The following CNTN5 variants were observed in gnomAD, a reference collection of about 807,000 sequenced individuals.
CNTN5 encodes contactin-5.
CNTN5 carries 77 observed loss-of-function variants against 129.1 expected under a neutral mutation model. The ratio of observed to expected loss-of-function variants is 0.60; its 90% CI spans 0.50 to 0.72. The LOEUF is 0.72. CNTN5 is among the 30% of genes least tolerant of loss of function. The pLI is 0.00. For missense variants in CNTN5, 1,478 were observed against 1,328.8 expected (o/e 1.11, Z -1.75); for synonymous variants, 509 against 465.6 (o/e 1.09, Z -1.20).
At position 99,265,131 on chromosome 11, in the gene CNTN5, TA is replaced by T. The variant is rs1041968464; in HGVS notation, c.-209-60206del. Among the ~76,000 whole-genome samples, 367 of 150,710 alleles carry T rather than the reference TA, an allele frequency of 2.4e-3. 4 individuals carry two copies. The highest frequency in any genetic ancestry group is 8.3e-3 in the African/African-American group (343 of 41,150). On this transcript the variant is annotated intron_variant, in intron 1 of 24. Transcript: ENST00000524871. ...CTAACTTTGCTCTTTCCAAAAGAAT[TA>T]AAAAAAAATAGTAACTTGAAAAGGA...
intron 3 of CNTN5, among the ~76,000 whole-genome samples, chr11:99,668,289 T>C (rs1789210446): frequency 6.6e-6 from 1 of 152,152 alleles, no homozygotes; most frequent in African/African-American, 2.4e-5. Flanking sequence ...CTATGATGCC[T>C]CACGCTGAAC....
At chr11:100,217,236 G>T (rs769541970) in intron 15 of CNTN5, among the ~76,000 whole-genome samples, 5 of 132,776 alleles carry the variant, frequency 3.8e-5, no homozygotes, top group Admixed American at 2.2e-4. Context: ...ATGATAAAAA[G>T]ATAGCATATT....
At chr11:99,582,870 G>T (rs1316802689) in intron 3 of CNTN5, among the ~76,000 whole-genome samples, 1 of 152,198 alleles carries the variant, frequency 6.6e-6, no homozygotes, top group Non-Finnish European at 1.5e-5. Context: ...CTGGTGAGGA[G>T]CTGTGTTCCT....
chr11:99,331,823 G>A (rs965013189), intron 2 of CNTN5, among the ~76,000 whole-genome samples: 14 of 152,112 alleles, frequency 9.2e-5, no homozygotes, highest in African/African-American at 2.9e-4. Context: ...CATGTGACCT[G>A]CTTTGAACAA....
chr11:99,351,891 A>G (rs1938322731), intron 2 of CNTN5, among the ~76,000 whole-genome samples: 1 of 152,194 alleles, frequency 6.6e-6, no homozygotes, highest in Non-Finnish European at 1.5e-5. Context: ...AGAGTTAAAT[A>G]CCCACTGTGG....
At chr11:99,155,188 A>G (rs1860272512) in intron 1 of CNTN5, among the ~76,000 whole-genome samples, 1 of 152,152 alleles carries the variant, frequency 6.6e-6, no homozygotes, top group African/African-American at 2.4e-5. Flanking sequence ...CAGGATACCC[A>G]GCTATTTCCC....
intron 7 of CNTN5, among the ~76,000 whole-genome samples, chr11:99,916,397 T>C (rs1346851166): frequency 2.0e-5 from 3 of 152,124 alleles, no homozygotes; most frequent in Non-Finnish European, 4.4e-5. Context: ...GCCTCTGTCT[T>C]CCATCAGTGA....
intron 1 of CNTN5, among the ~76,000 whole-genome samples, chr11:99,228,653 TAC>T (rs1485772918): frequency 7.9e-5 from 12 of 152,054 alleles, no homozygotes; most frequent in African/African-American, 2.7e-4. Context: ...TTTATGACAA[TAC>T]AGTCTTTACT....
At position 99,385,989 on chromosome 11, in the gene CNTN5, G is replaced by T. The variant is rs536520614; in HGVS notation, c.-71+60505G>T. 5.3e-5 allele frequency among the ~76,000 whole-genome samples: 8 copies of T among 152,298 alleles called. No individual in the cohort carries two copies. The East Asian group carries it at 1.5e-3, about 29-fold the overall frequency. On this transcript the variant is annotated intron_variant, in intron 2 of 24. Coordinates refer to ENST00000524871, the MANE Select transcript of CNTN5 (RefSeq NM_014361.4). ...AGAAATTTATGACCTGGAGTCCTCA[G>T]TATATTTCCCTTGGGTGAAAGTTAC... is the stretch of plus-strand genomic sequence containing the variant.
intron 3 of CNTN5, among the ~76,000 whole-genome samples, chr11:99,779,169 A>G (rs1012063087): frequency 7.2e-5 from 11 of 151,986 alleles, no homozygotes; most frequent in African/African-American, 2.4e-4. Flanking sequence ...AACAGTTTTC[A>G]TAAATGATTT....
At chr11:100,100,977 G>A (rs574516228) in intron 13 of CNTN5, among the ~76,000 whole-genome samples, 1 of 152,192 alleles carries the variant, frequency 6.6e-6, no homozygotes, top group South Asian at 2.1e-4. Context: ...TCGAAAAGAT[G>A]TCAAAAACAC....
chr11:99,835,896 T>C (rs1947286807), intron 4 of CNTN5, among the ~76,000 whole-genome samples: 2 of 152,062 alleles, frequency 1.3e-5, no homozygotes, highest in Admixed American at 6.6e-5. Flanking sequence ...CTATGTAATA[T>C]TGTTATAGGA....
intron 18 of CNTN5, among the ~76,000 whole-genome samples, chr11:100,291,543 G>A (rs376093829): frequency 0.11 from 16,944 of 150,462 alleles, 1,275 homozygotes; most frequent in Non-Finnish European, 0.16. Context: ...TCACTCATAG[G>A]TGGGAATTGA....
At chr11:99,199,131 T>C (rs1859044586) in intron 1 of CNTN5, among the ~76,000 whole-genome samples, 2 of 152,256 alleles carry the variant, frequency 1.3e-5, no homozygotes, top group Admixed American at 1.3e-4. Context: ...AACAATTTGA[T>C]TAGGAGAACC....
chr11:100,195,033 C>A (rs554538424), intron 15 of CNTN5, among the ~76,000 whole-genome samples: 1 of 152,042 alleles, frequency 6.6e-6, no homozygotes, highest in East Asian at 1.9e-4. Context: ...TTAAATTAAA[C>A]ACATTTTGCT....
rs184600323 is a variant in CNTN5, at chr11:99,089,010, T to A, written c.-210+67740T>A. Reference sequence around the variant, plus strand: ...ACACAACTTCTGTAAAATATTTGGTTGAGAGAATAATTAGTTAATAACCGA... The same window carrying A: ...ACACAACTTCTGTAAAATATTTGGTAGAGAGAATAATTAGTTAATAACCGA... On this transcript the variant is annotated intron_variant, in intron 1 of 24. Transcript: ENST00000524871. 2.0e-5 allele frequency among the ~76,000 whole-genome samples: 3 copies of A among 152,246 alleles called. No homozygotes were observed. In the East Asian group the frequency reaches 5.8e-4, roughly 29 times the overall value.
chr11:99,429,499 C>G (rs1943272528), intron 2 of CNTN5, among the ~76,000 whole-genome samples: 1 of 152,092 alleles, frequency 6.6e-6, no homozygotes. Context: ...GCAAAATACA[C>G]ATCTCAAAGG....
intron 1 of CNTN5, among the ~76,000 whole-genome samples, chr11:99,199,502 T>C (rs1216314512): frequency 3.3e-5 from 5 of 152,152 alleles, no homozygotes; most frequent in African/African-American, 1.2e-4. Flanking sequence ...ATGCTCACCG[T>C]CCTGTGGGTT....
chr11:99,356,759 T>C (rs1160086790), intron 2 of CNTN5, among the ~76,000 whole-genome samples: 1 of 152,186 alleles, frequency 6.6e-6, no homozygotes, highest in Non-Finnish European at 1.5e-5. Flanking sequence ...AAAATAGAAT[T>C]ATATTTAGTC....
Sources: allele counts gnomAD v4.1 joint callset (sites outside exome capture counted in the v4.1 genomes callset), GRCh38; gene constraint gnomAD v4.1.1; transcripts MANE v1.5; gene names NCBI Gene and HGNC (gene_info 2026-07-23, HGNC 2026-07-21).